Variants in RYR3 observed in about 807,000 individuals in gnomAD.
The protein encoded by RYR3 is brain ryanodine receptor-calcium release channel.
RYR3 carries 207 observed loss-of-function variants against 584.3 expected under a neutral mutation model. The observed-to-expected ratio is 0.35, with a 90% CI of 0.32 to 0.40. The LOEUF (loss-of-function observed/expected upper bound fraction) is 0.40, where lower values mean the gene tolerates loss of function less well. Ranked by LOEUF, RYR3 falls within the 10% of genes least tolerant of loss-of-function variation. RYR3 has a pLI of 1.00. For synonymous variants in RYR3, 2,416 were observed against 2,248.5 expected (o/e 1.07, Z -2.11); for missense variants, 5,616 against 6,089.2 (o/e 0.92, Z 2.59).
At chr15:33,564,683 A>G (rs2057602202) in intron 11 of RYR3, among the ~76,000 whole-genome samples, 1 of 152,210 alleles carries the variant, frequency 6.6e-6, no homozygotes, top group Admixed American at 6.5e-5. Context: ...GTGGGCAGGA[A>G]CACACTCCAA....
chr15:33,419,691 T>G (rs965495872), intron 1 of RYR3, among the ~76,000 whole-genome samples: 2 of 152,132 alleles, frequency 1.3e-5, no homozygotes, highest in African/African-American at 4.8e-5. Flanking sequence ...AACTTTGCAT[T>G]CGTTTGGATT....
intron 1 of RYR3, among the ~76,000 whole-genome samples, chr15:33,444,109 ATAG>A (rs1235132431): frequency 1.3e-5 from 2 of 152,186 alleles, no homozygotes; most frequent in Non-Finnish European, 2.9e-5. Flanking sequence ...ATTGAGACCC[ATAG>A]TAAAAAGTTT....
rs1180776345 is a variant in RYR3 at position 33,572,654 on chromosome 15, T to TAC, written c.1268+5856_1268+5857insCA. Among the ~76,000 whole-genome samples, 625 of 121,092 alleles carry TAC rather than the reference T, an allele frequency of 5.2e-3. 12 individuals are homozygous for TAC. Among genetic ancestry groups the TAC allele is most frequent in the African/African-American group, 0.017 (499 of 29,354 alleles). The allele number at this position is 121,092 out of a possible 152,430, so 79.4% of individuals were successfully genotyped here. A position where few individuals can be genotyped will look rare whatever the true frequency, so the allele number is the denominator to read the frequency against. On this transcript the variant is annotated intron_variant, in intron 12 of 103. Transcript: ENST00000634891. ...TCATTAAATTAAAAAAAAAAAACTA[T>TAC]ATATACACACACACACACACACACA... is the stretch of plus-strand genomic sequence containing the variant.
At chr15:33,857,981 G>T in intron 99 of RYR3, 67 bp downstream of exon 99, 1 of 1,595,652 alleles carries the variant, frequency 6.3e-7, no homozygotes, top group South Asian at 1.1e-5. Flanking sequence ...CCACCTCACT[G>T]GGAAGAAGGG....
rs753971940 is a variant in RYR3 at position 33,837,885 on chromosome 15, G to T, written c.11905G>T (p.Asp3969Tyr). The T allele has an allele frequency of 6.2e-7, 1 of 1,614,038 alleles. No individual in the cohort carries two copies. Among genetic ancestry groups the T allele is most frequent in the Non-Finnish European group, 8.5e-7 (1 of 1,179,890 alleles). The change falls in exon 89 of 104, where the codon GAT (aspartate) becomes TAT (tyrosine). Residue 3969 changes from aspartate (D) to tyrosine (Y), a missense_variant. Physicochemically the swap from Asp to Tyr is radical, Grantham distance 160. Coordinates refer to ENST00000634891, the MANE Select transcript of RYR3 (RefSeq NM_001036.6). The part of the protein sequence containing the change: ...IDFLLSCAEA[D>Y]ENDMFNYVDF... The stretch of plus-strand genomic sequence containing the variant: ...CTTTCTCCTGTCGTGTGCAGAAGCT[G>T]ATGAGAATGACATGTTTAATTACGT...
chr15:33,512,074 G>A (rs1454164978), intron 3 of RYR3, among the ~76,000 whole-genome samples: 4 of 152,126 alleles, frequency 2.6e-5, no homozygotes, highest in Admixed American at 6.5e-5. Flanking sequence ...CACCGCGCCC[G>A]GCTGCAAGTT....
intron 43 of RYR3, among the ~76,000 whole-genome samples, chr15:33,710,117 T>C (rs539490103): frequency 6.6e-6 from 1 of 152,330 alleles, no homozygotes; most frequent in South Asian, 2.1e-4. Context: ...CTTGCATTGC[T>C]ATAAAGAAAT....
chr15:33,570,768 A>G (rs1165569818), intron 12 of RYR3, among the ~76,000 whole-genome samples: 2 of 152,134 alleles, frequency 1.3e-5, no homozygotes, highest in Non-Finnish European at 2.9e-5. Flanking sequence ...GGTTTTTATT[A>G]TATAAGTCTT....
intron 2 of RYR3, among the ~76,000 whole-genome samples, chr15:33,482,949 C>T (rs1232803273): frequency 6.6e-6 from 1 of 152,142 alleles, no homozygotes; most frequent in Non-Finnish European, 1.5e-5. Flanking sequence ...GTCACTATGA[C>T]TCTATCCATT....
At chr15:33,347,340 A>G (rs1029577506) in intron 1 of RYR3, among the ~76,000 whole-genome samples, 5 of 152,210 alleles carry the variant, frequency 3.3e-5, no homozygotes, top group Non-Finnish European at 5.9e-5. Context: ...ATTGATTTAT[A>G]TCATGAATGT....
At chr15:33,725,786 C>T (rs1251771511) in intron 45 of RYR3, among the ~76,000 whole-genome samples, 14 of 121,460 alleles carry the variant, frequency 1.2e-4, no homozygotes, top group South Asian at 3.3e-4. Context: ...GATGAAACCC[C>T]GTCTCTACTA....
intron 1 of RYR3, among the ~76,000 whole-genome samples, chr15:33,408,071 C>G (rs965908852): frequency 1.3e-5 from 2 of 151,306 alleles, no homozygotes; most frequent in Admixed American, 1.3e-4. Flanking sequence ...GGTTTGTTAC[C>G]TGGTATATTG....
intron 7 of RYR3, among the ~76,000 whole-genome samples, chr15:33,543,178 C>G (rs948166101): frequency 5.3e-5 from 8 of 152,064 alleles, no homozygotes; most frequent in African/African-American, 1.9e-4. Context: ...TCTGCTACCC[C>G]CTTCTCAGCA....
chr15:33,344,618 C>T (rs1252261577), intron 1 of RYR3, among the ~76,000 whole-genome samples: 2 of 152,122 alleles, frequency 1.3e-5, no homozygotes, highest in Non-Finnish European at 2.9e-5. Context: ...TTCAAAACAT[C>T]TCTCAAGTGT....
rs532080346 is a variant in RYR3 at position 33,327,690 on chromosome 15, TTGCC to T, written c.51+16616_51+16619del. On this transcript the variant is annotated intron_variant, in intron 1 of 103. Transcript: ENST00000634891. The stretch of plus-strand genomic sequence containing the variant: ...ACTGAATAGCTCCCTGGAGGGGAAG[TTGCC>T]TGCCTGCCTGCCTGCCTGCCTTCCT... Among the ~76,000 whole-genome samples the T allele has an allele frequency of 4.7e-4, 72 of 152,124 alleles. No individual in the cohort carries two copies. The South Asian group carries it at 5.8e-3, about 12-fold the overall frequency.
intron 99 of RYR3, 160 bp downstream of exon 99, chr15:33,858,074 AACAGGAGAGTGTCCTGGGAAG>A (rs2079891520): frequency 2.1e-6 from 2 of 932,732 alleles, no homozygotes; most frequent in Non-Finnish European, 3.1e-6. Context: ...GTCTTCTCCA[AACAGGAGAGTGTCCTGGGAAG>A]ACAGAAGTGA....
intron 64 of RYR3, among the ~76,000 whole-genome samples, chr15:33,778,477 T>C (rs188678620): frequency 7.4e-4 from 112 of 152,332 alleles, no homozygotes; most frequent in African/African-American, 2.5e-3. Flanking sequence ...ACCGAGGGAA[T>C]TGGCAACTCA....
rs1366254319 is a variant in RYR3 at position 33,746,096 on chromosome 15, C to T, written c.7928C>T (p.Ser2643Phe). The T allele has an allele frequency of 1.2e-6, 2 of 1,600,130 alleles. No homozygotes were observed. The highest frequency in any genetic ancestry group is 1.7e-5 in the Admixed American group (1 of 58,290). Residue 2643 changes from serine to phenylalanine, a missense_variant, in exon 53 of 104, where the codon TCC becomes TTC. Physicochemically the swap from Ser to Phe is radical, Grantham distance 155. Coordinates refer to ENST00000634891, the MANE Select transcript of RYR3 (RefSeq NM_001036.6). ...CAGAGTGGATGGAAATATGGGATTT[C>T]CCTGGATGAAAATGTGAAGACCCAC... Reference protein sequence around the residue: ...KSQSGWKYGISLDENVKTHPL... With the variant: ...KSQSGWKYGIFLDENVKTHPL...
chr15:33,480,093 A>G (rs2049822777), intron 2 of RYR3, among the ~76,000 whole-genome samples: 1 of 152,132 alleles, frequency 6.6e-6, no homozygotes, highest in African/African-American at 2.4e-5. Flanking sequence ...CAAAACATCT[A>G]CTGCTTTAAT....
Sources: gnomAD v4.1 joint callset for allele counts (sites outside exome capture counted in the v4.1 genomes callset) on GRCh38, gnomAD v4.1.1 for gene constraint, MANE v1.5 for transcripts, NCBI Gene and HGNC (gene_info 2026-07-23, HGNC 2026-07-21) for gene names.